AGMO: variants seen among roughly 807,000 people sequenced by gnomAD.
AGMO encodes glyceryl-ether monooxygenase.
In AGMO, 75 loss-of-function variants were observed where a neutral mutation model predicts 60.2. That is an observed-to-expected ratio of 1.25 (90% CI 1.03 to 1.51). The LOEUF (loss-of-function observed/expected upper bound fraction) is 1.51. Among genes scored for constraint, AGMO ranks in the 40% most tolerant of loss-of-function variants. AGMO has a pLI of 0.00. For missense variants in AGMO, 763 were observed against 525.5 expected (o/e 1.45, Z -4.42); for synonymous variants, 261 against 177.1 (o/e 1.47, Z -3.76).
chr7:15,418,760 A>G, intron 4 of AGMO, 107 bp from the exon 5 acceptor site: 1 of 675,224 alleles, frequency 1.5e-6, no homozygotes, highest in Non-Finnish European at 2.5e-6. Flanking sequence ...TATATCTCAT[A>G]CTATATACTG....
intron 3 of AGMO, among the ~76,000 whole-genome samples, chr7:15,450,604 T>G (rs538151990): frequency 6.6e-6 from 1 of 152,258 alleles, no homozygotes; most frequent in African/African-American, 2.4e-5. Context: ...TTTACACAAA[T>G]AATATTATGA....
At chr7:15,246,169 A>G (rs1754344248) in intron 12 of AGMO, among the ~76,000 whole-genome samples, 5 of 152,128 alleles carry the variant, frequency 3.3e-5, no homozygotes, top group Admixed American at 2.0e-4. Flanking sequence ...TGCCAAAGTG[A>G]TTACACATTC....
intron 12 of AGMO, among the ~76,000 whole-genome samples, chr7:15,250,439 C>T (rs921577433): frequency 7.2e-5 from 11 of 152,002 alleles, no homozygotes; most frequent in Non-Finnish European, 1.3e-4. Flanking sequence ...GAACCAGAGT[C>T]TGATAGCATT....
chr7:15,273,918 G>C (rs1434440877), intron 12 of AGMO, among the ~76,000 whole-genome samples: 4 of 152,088 alleles, frequency 2.6e-5, no homozygotes, highest in Non-Finnish European at 4.4e-5. Flanking sequence ...ATTTGGCTCT[G>C]TGTTTGTCTG....
rs148034552 is a variant in AGMO, at chr7:15,439,005, G to C, written c.410-7897C>G. 4.2e-3 allele frequency among the ~76,000 whole-genome samples: 647 copies of C among 152,250 alleles called. 2 individuals carry two copies. The highest frequency in any genetic ancestry group is 7.6e-3 in the Non-Finnish European group (517 of 68,008). On this transcript the variant is annotated intron_variant, in intron 3 of 12. Transcript: ENST00000342526. The stretch of plus-strand genomic sequence containing the variant: ...CACTTCCTAGGAAACTAGTAAGCTG[G>C]TGCCTATGTTTTTAAAAGTAACCAA...
intron 12 of AGMO, among the ~76,000 whole-genome samples, chr7:15,291,163 T>C (rs1413864929): frequency 6.6e-6 from 1 of 152,216 alleles, no homozygotes; most frequent in African/African-American, 2.4e-5. Context: ...ACGTTTCTTA[T>C]GGCATGTAAA....
chr7:15,388,961 G>T (rs914297646), intron 8 of AGMO, among the ~76,000 whole-genome samples: 1 of 152,190 alleles, frequency 6.6e-6, no homozygotes, highest in African/African-American at 2.4e-5. Flanking sequence ...AGTTTCAGCA[G>T]CTGTTCCTAA....
chr7:15,343,278 G>A (rs938018913), intron 12 of AGMO, among the ~76,000 whole-genome samples: 3 of 152,044 alleles, frequency 2.0e-5, no homozygotes, highest in African/African-American at 7.2e-5. Context: ...TTCTGCCAAT[G>A]AGTTTACCTC....
At chr7:15,139,621 A>T in the AGMO span, among the ~76,000 whole-genome samples, 3 of 150,878 alleles carry the variant, frequency 2.0e-5, no homozygotes, top group Non-Finnish European at 4.4e-5. Flanking sequence ...GACATTATAG[A>T]TTTTTTTTTC....
chr7:15,534,421 T>C (rs138256452), intron 3 of AGMO, among the ~76,000 whole-genome samples: 24 of 152,132 alleles, frequency 1.6e-4, no homozygotes, highest in Non-Finnish European at 3.4e-4. Flanking sequence ...TTCCATGATA[T>C]TCACTTGGGG....
At chr7:15,437,936 C>T (rs1380938716) in intron 3 of AGMO, among the ~76,000 whole-genome samples, 1 of 152,170 alleles carries the variant, frequency 6.6e-6, no homozygotes, top group African/African-American at 2.4e-5. Flanking sequence ...CTGTGGCAAA[C>T]ACTATACCTT....
At chr7:15,470,508 T>C (rs1166778208) in intron 3 of AGMO, among the ~76,000 whole-genome samples, 1 of 151,960 alleles carries the variant, frequency 6.6e-6, no homozygotes, top group African/African-American at 2.4e-5. Flanking sequence ...AATTAGAATC[T>C]TAATAAATTG....
intron 3 of AGMO, among the ~76,000 whole-genome samples, chr7:15,516,664 A>C (rs780887970): frequency 9.2e-5 from 14 of 152,198 alleles, no homozygotes; most frequent in Non-Finnish European, 1.5e-4. Context: ...ACATCTGGAC[A>C]CTTAGCTCAA....
intron 12 of AGMO, among the ~76,000 whole-genome samples, chr7:15,203,092 A>G (rs1781347483): frequency 6.6e-6 from 1 of 152,138 alleles, no homozygotes; most frequent in Non-Finnish European, 1.5e-5. Context: ...TATTGGTTAC[A>G]AGGATGATCT....
chr7:15,276,300 C>G (rs1454516382), intron 12 of AGMO, among the ~76,000 whole-genome samples: 1 of 151,988 alleles, frequency 6.6e-6, no homozygotes, highest in East Asian at 1.9e-4. Context: ...CACAGTTTGG[C>G]AGGATACAAA....
intron 12 of AGMO, among the ~76,000 whole-genome samples, chr7:15,247,510 C>G (rs1782784266): frequency 7.2e-6 from 1 of 138,274 alleles, no homozygotes; most frequent in East Asian, 2.1e-4. Context: ...ACAGTATATC[C>G]TTTTACACAT....
intron 12 of AGMO, among the ~76,000 whole-genome samples, chr7:15,298,252 C>G (rs1177233538): frequency 6.6e-6 from 1 of 152,150 alleles, no homozygotes; most frequent in African/African-American, 2.4e-5. Context: ...ATTAGCTCAA[C>G]ACATAATTTT....
chr7:15,273,659 A>C (rs1386053943), intron 12 of AGMO, among the ~76,000 whole-genome samples: 1 of 152,154 alleles, frequency 6.6e-6, no homozygotes, highest in African/African-American at 2.4e-5. Context: ...CTCTGTGAAG[A>C]AAGTCACTGG....
At chr7:15,332,277 C>CCT (rs1781521608) in intron 12 of AGMO, among the ~76,000 whole-genome samples, 1 of 152,096 alleles carries the variant, frequency 6.6e-6, no homozygotes, top group Non-Finnish European at 1.5e-5. Flanking sequence ...TCAGGACTCC[C>CCT]CTCCCTGTTG....
Sources: allele counts gnomAD v4.1 joint callset (sites outside exome capture counted in the v4.1 genomes callset), GRCh38; gene constraint gnomAD v4.1.1; transcripts MANE v1.5; gene names NCBI Gene and HGNC (gene_info 2026-07-23, HGNC 2026-07-21).